Variants in SPIDR observed in about 807,000 individuals in gnomAD.
The protein encoded by SPIDR is scaffold protein involved in DNA repair.
SPIDR carries 93 observed loss-of-function variants against 104.6 expected under a neutral mutation model. That is an observed-to-expected ratio of 0.89 (90% CI 0.75 to 1.06). The LOEUF is 1.06. SPIDR is among the 50% of genes least tolerant of loss of function. SPIDR has a pLI of 0.00. For synonymous variants in SPIDR, 431 were observed against 416.9 expected, an observed-to-expected ratio of 1.03 and a Z score of -0.41; for missense variants, 1,154 against 1,111.2, an observed-to-expected ratio of 1.04 and a Z score of -0.55.
chr8:47,567,387 T>G (rs1211622086), intron 8 of SPIDR, among the ~76,000 whole-genome samples: 1 of 151,552 alleles, frequency 6.6e-6, no homozygotes, highest in Non-Finnish European at 1.5e-5. Flanking sequence ...GCCCGGCTAA[T>G]TTTGTATTTT....
intron 8 of SPIDR, among the ~76,000 whole-genome samples, chr8:47,493,727 A>G (rs1463188190): frequency 6.6e-6 from 1 of 152,108 alleles, no homozygotes; most frequent in Non-Finnish European, 1.5e-5. Context: ...TGTTCCATCT[A>G]GTGACAATTC....
At chr8:47,625,602 CAG>C (rs1311728846) in intron 10 of SPIDR, among the ~76,000 whole-genome samples, 1 of 152,052 alleles carries the variant, frequency 6.6e-6, no homozygotes, top group African/African-American at 2.4e-5. Context: ...AACAGGCAAA[CAG>C]AGAGCCAAAT....
At chr8:47,486,670 GC>G (rs1302231634) in intron 8 of SPIDR, among the ~76,000 whole-genome samples, 1 of 152,194 alleles carries the variant, frequency 6.6e-6, no homozygotes, top group Non-Finnish European at 1.5e-5. Context: ...CACTCCGCAA[GC>G]CAGAAGAGAG....
At chr8:47,699,034 AT>A (rs983991498) in intron 11 of SPIDR, among the ~76,000 whole-genome samples, 21 of 152,236 alleles carry the variant, frequency 1.4e-4, no homozygotes, top group African/African-American at 4.3e-4. Flanking sequence ...GTATAAAGAA[AT>A]TTTTTTTACA....
chr8:47,616,691 C>A (rs1008773340), intron 10 of SPIDR, among the ~76,000 whole-genome samples: 7 of 152,280 alleles, frequency 4.6e-5, no homozygotes, highest in African/African-American at 1.7e-4. Flanking sequence ...GAAAAGTTTG[C>A]GAAGATAATA....
intron 10 of SPIDR, among the ~76,000 whole-genome samples, chr8:47,599,921 C>T (rs1304922513): frequency 2.0e-5 from 3 of 152,116 alleles, no homozygotes; most frequent in African/African-American, 4.8e-5. Context: ...CCATGCCTGG[C>T]TAATTTTTGT....
At chr8:47,326,205 AG>A (rs1232951690) in intron 5 of SPIDR, among the ~76,000 whole-genome samples, 1 of 152,076 alleles carries the variant, frequency 6.6e-6, no homozygotes, top group Non-Finnish European at 1.5e-5. Flanking sequence ...TAGAGAGGCA[AG>A]GTTTTGCCAT....
chr8:47,355,755 T>C (rs1284954171), intron 5 of SPIDR, among the ~76,000 whole-genome samples: 1 of 152,218 alleles, frequency 6.6e-6, no homozygotes, highest in Non-Finnish European at 1.5e-5. Flanking sequence ...GACAAAAATA[T>C]TTATTCATTG....
At chr8:47,266,662 G>A (rs1185314074) in intron 1 of SPIDR, among the ~76,000 whole-genome samples, 1 of 152,146 alleles carries the variant, frequency 6.6e-6, no homozygotes, top group Non-Finnish European at 1.5e-5. Flanking sequence ...GTAATTTGAT[G>A]TTTAACTCTA....
intron 10 of SPIDR, among the ~76,000 whole-genome samples, chr8:47,640,841 CTTTTTTTTTTTTTTTTTTTTTTTTTTT>C (rs57405701): frequency 1.6e-3 from 65 of 41,310 alleles, no homozygotes; most frequent in Admixed American, 7.1e-3. Context: ...CCACACCCAG[CTTTTTTTTTTTTTTTTTTTTTTTTTTT>C]TTTTTTTTTT....
intron 5 of SPIDR, among the ~76,000 whole-genome samples, chr8:47,353,271 T>A (rs1461053630): frequency 6.6e-6 from 1 of 152,148 alleles, no homozygotes; most frequent in African/African-American, 2.4e-5. Flanking sequence ...CTCATTTGCA[T>A]CTTACCCTTG....
intron 5 of SPIDR, chr8:47,294,247 T>G: frequency 2.1e-6 from 1 of 483,994 alleles, no homozygotes; most frequent in Non-Finnish European, 3.4e-6. Flanking sequence ...TCTCTTTCAC[T>G]TCCCACCCTC....
chr8:47,509,218 G>T (rs2081956155), intron 8 of SPIDR, among the ~76,000 whole-genome samples: 1 of 152,132 alleles, frequency 6.6e-6, no homozygotes, highest in Non-Finnish European at 1.5e-5. Flanking sequence ...AGATCCTCTT[G>T]CCTCTGGACA....
At chr8:47,271,444 C>A (rs1467863008) in intron 1 of SPIDR, among the ~76,000 whole-genome samples, 1 of 151,852 alleles carries the variant, frequency 6.6e-6, no homozygotes, top group African/African-American at 2.4e-5. Flanking sequence ...TCTCATTTGT[C>A]TGATTTAAAG....
At chr8:47,280,471 C>A (rs1586264440) in intron 2 of SPIDR, among the ~76,000 whole-genome samples, 1 of 151,234 alleles carries the variant, frequency 6.6e-6, no homozygotes, top group East Asian at 1.9e-4. Flanking sequence ...TGGCTCGCTG[C>A]AACCTCCGCC....
intron 19 of SPIDR, among the ~76,000 whole-genome samples, chr8:47,733,988 C>T (rs893434924): frequency 6.6e-6 from 1 of 152,152 alleles, no homozygotes; most frequent in Non-Finnish European, 1.5e-5. Flanking sequence ...AAAGTCCCCC[C>T]ACGAGTTGGC....
chr8:47,664,871 G>C (rs1222217535), intron 10 of SPIDR, among the ~76,000 whole-genome samples: 1 of 151,558 alleles, frequency 6.6e-6, no homozygotes, highest in Non-Finnish European at 1.5e-5. Context: ...ACTCCAGCCT[G>C]GGTGCAGAGT....
At chr8:47,656,823 C>G (rs1304097291) in intron 10 of SPIDR, among the ~76,000 whole-genome samples, 1 of 152,102 alleles carries the variant, frequency 6.6e-6, no homozygotes, top group Non-Finnish European at 1.5e-5. Context: ...TATCATTCAG[C>G]AACAAAAAGG....
intron 8 of SPIDR, among the ~76,000 whole-genome samples, chr8:47,571,112 C>T (rs775820910): frequency 1.3e-5 from 2 of 151,778 alleles, no homozygotes; most frequent in Non-Finnish European, 2.9e-5. Flanking sequence ...AAGTTGAACT[C>T]GTAGAAACAG....
Sources: gnomAD v4.1 joint callset for allele counts (sites outside exome capture counted in the v4.1 genomes callset) on GRCh38, gnomAD v4.1.1 for gene constraint, MANE v1.5 for transcripts, NCBI Gene and HGNC (gene_info 2026-07-23, HGNC 2026-07-21) for gene names.